Variants in CFAP58 observed in about 807,000 individuals in gnomAD.
CFAP58 encodes cilia and flagella associated protein 58, also known as cilia- and flagella-associated protein 58.
CFAP58 carries 88 observed loss-of-function variants against 119.5 expected under a neutral mutation model. The observed-to-expected ratio is 0.74, with a 90% CI of 0.62 to 0.88. The LOEUF is 0.88. Ranked by LOEUF, CFAP58 falls within the 40% of genes least tolerant of loss-of-function variation. CFAP58 has a pLI of 0.00. For synonymous variants in CFAP58, 365 were observed against 366.3 expected, an observed-to-expected ratio of 1.00 and a Z score of 0.04; for missense variants, 990 against 1,021.2, an observed-to-expected ratio of 0.97 and a Z score of 0.42.
At position 104,406,766 on chromosome 10, in the gene CFAP58, G is replaced by A. The variant is rs755561230; in HGVS notation, c.2229G>A (p.Glu743=). The A allele has an allele frequency of 1.2e-6, 2 of 1,614,136 alleles. No individual in the cohort carries two copies. The highest frequency in any genetic ancestry group is 2.2e-5 in the South Asian group (2 of 91,080). Residue 743 remains glutamate (E), a synonymous_variant, in exon 15 of 18, where the codon GAG becomes GAA. Transcript: ENST00000369704. Reference sequence around the variant, plus strand: ...AGCGTCTCATCAGCAAGACTGAAGAGGTGGTTGAAAAAGAGCTGCTCCTCC... The same window carrying A: ...AGCGTCTCATCAGCAAGACTGAAGAAGTGGTTGAAAAAGAGCTGCTCCTCC... The part of the protein sequence containing the change: ...LQKRLISKTE[E]VVEKELLLQE...
intron 11 of CFAP58, 42 bp from the exon 12 acceptor site, chr10:104,399,318 G>C (rs573829022): frequency 6.2e-7 from 1 of 1,607,184 alleles, no homozygotes; most frequent in African/African-American, 1.3e-5. Flanking sequence ...GGTTTGTGCT[G>C]TAACGAATTG....
chr10:104,366,550 G>A (rs1399308376), intron 5 of CFAP58, among the ~76,000 whole-genome samples: 1 of 152,172 alleles, frequency 6.6e-6, no homozygotes, highest in African/African-American at 2.4e-5. Flanking sequence ...TATTCATGTT[G>A]TTGCCATGTA....
intron 9 of CFAP58, 110 bp downstream of exon 9, chr10:104,380,330 T>C (rs1274385674): frequency 1.8e-6 from 2 of 1,094,348 alleles, no homozygotes; most frequent in Non-Finnish European, 2.6e-6. Flanking sequence ...CTGTTTGTAA[T>C]TTGTGTGAAG....
intron 15 of CFAP58, among the ~76,000 whole-genome samples, chr10:104,427,284 A>C (rs1372537403): frequency 2.0e-5 from 3 of 152,268 alleles, no homozygotes; most frequent in Non-Finnish European, 4.4e-5. Context: ...TAGAATTCTC[A>C]GTTTATAAAA....
chr10:104,407,050 T>C (rs1235685593), intron 15 of CFAP58, among the ~76,000 whole-genome samples: 1 of 152,210 alleles, frequency 6.6e-6, no homozygotes, highest in Non-Finnish European at 1.5e-5. Flanking sequence ...GCAACCCCCA[T>C]CCCACTTCTC....
rs146942443 is a variant in CFAP58, at chr10:104,362,769, G to A, written c.440+598G>A. The stretch of plus-strand genomic sequence containing the variant: ...ACATGTCTTTCTTTATTCCATCATT[G>A]CTACCAAATTTAGGCTCCTGAAGCA... On this transcript the variant is annotated intron_variant, in intron 3 of 17. Coordinates refer to ENST00000369704, the MANE Select transcript of CFAP58 (RefSeq NM_001008723.2). Among the ~76,000 whole-genome samples, 286 of 152,226 alleles carry A rather than the reference G, an allele frequency of 1.9e-3. 1 individual carries two copies. The highest frequency in any genetic ancestry group is 6.6e-3 in the African/African-American group (274 of 41,542).
chr10:104,367,628 A>G (rs2014769913), intron 5 of CFAP58, among the ~76,000 whole-genome samples: 1 of 152,168 alleles, frequency 6.6e-6, no homozygotes, highest in African/African-American at 2.4e-5. Context: ...GTTACATTTT[A>G]TTTAGTCCCT....
rs143506746 is a variant in CFAP58 at position 104,399,545 on chromosome 10, C to T, written c.1815+45C>T. The T allele has an allele frequency of 3.2e-3, 5,083 of 1,595,762 alleles. 14 individuals are homozygous for T. Among genetic ancestry groups the T allele is most frequent in the Non-Finnish European group, 3.9e-3 (4,568 of 1,169,038 alleles). On this transcript the variant is annotated intron_variant, in intron 12 of 17. Transcript: ENST00000369704. ...GACTTGCAGACCTTGTCAACAGACA[C>T]GGGTATTTAATTCCACCCTTCGAAA...
chr10:104,413,213 G>A (rs2012488456), intron 15 of CFAP58, among the ~76,000 whole-genome samples: 1 of 152,154 alleles, frequency 6.6e-6, no homozygotes, highest in Non-Finnish European at 1.5e-5. Flanking sequence ...CTGAGAGGTG[G>A]CCTTTGCGTT....
At chr10:104,344,475 C>G in the CFAP58 span, among the ~76,000 whole-genome samples, 1 of 152,152 alleles carries the variant, frequency 6.6e-6, no homozygotes, top group South Asian at 2.1e-4. Flanking sequence ...TATGGCTGCT[C>G]TGGGGCTCTA....
intron 15 of CFAP58, among the ~76,000 whole-genome samples, chr10:104,423,523 G>A (rs2012693771): frequency 1.3e-5 from 2 of 150,092 alleles, no homozygotes; most frequent in South Asian, 2.1e-4. Context: ...AGCTTTTTAT[G>A]AGAGTGGTGC....
chr10:104,441,333 C>G (rs2013034139), intron 15 of CFAP58, among the ~76,000 whole-genome samples: 1 of 152,206 alleles, frequency 6.6e-6, no homozygotes. Flanking sequence ...GAACCTAGAA[C>G]AGTCACACAC....
At chr10:104,368,805 C>T (rs112799610) in intron 6 of CFAP58, among the ~76,000 whole-genome samples, 26 of 152,298 alleles carry the variant, frequency 1.7e-4, no homozygotes, top group African/African-American at 6.3e-4. Flanking sequence ...CCAAAGTGAG[C>T]TCAGATGTCT....
At chr10:104,381,017 G>A (rs1258417737) in intron 9 of CFAP58, among the ~76,000 whole-genome samples, 41 of 152,108 alleles carry the variant, frequency 2.7e-4, no homozygotes, top group Admixed American at 2.6e-3. Context: ...GGGCATGGTG[G>A]TGTGCTCCTA....
chr10:104,393,181 A>G (rs980953553), intron 10 of CFAP58, 148 bp from the exon 11 acceptor site: 10 of 700,034 alleles, frequency 1.4e-5, no homozygotes, highest in Non-Finnish European at 7.0e-6. Flanking sequence ...GATGGGCACT[A>G]GAGACAAAGG....
rs762287543 is a variant in CFAP58, at chr10:104,450,086, T to C, written c.2392T>C (p.Leu798=). 4 of 1,599,460 alleles carry C rather than the reference T, an allele frequency of 2.5e-6. No individual in the cohort carries two copies. The South Asian group carries it at 4.6e-5, about 18-fold the overall frequency. Residue 798 remains leucine (L), a synonymous_variant, in exon 17 of 18, where the codon TTG becomes CTG. Transcript: ENST00000369704. The stretch of plus-strand genomic sequence containing the variant: ...GCCATGTTAGGTTTTGTCTTCAGAA[T>C]TGAATATGTATGAAGTACAGAGCAA... ...KQQLKVLSSE[L]NMYEVQSKEY... is the part of the protein sequence containing the mutation.
intron 12 of CFAP58, 91 bp downstream of exon 12, chr10:104,399,591 T>G: frequency 1.6e-5 from 21 of 1,346,026 alleles, no homozygotes; most frequent in Non-Finnish European, 2.0e-5. Flanking sequence ...CTCTAAGCTC[T>G]TCCAACCAGC....
intron 7 of CFAP58, among the ~76,000 whole-genome samples, chr10:104,371,462 C>T (rs140045647): frequency 3.2e-4 from 48 of 152,290 alleles, no homozygotes; most frequent in Non-Finnish European, 4.4e-4. Context: ...TAAGAATCAG[C>T]GGAACAAAAA....
rs74157111 is a variant in CFAP58, at chr10:104,443,087, G to T, written c.2257-4611G>T. ...CACAACAGCAGGTGCGAGTTATATA[G>T]AGAGAGATTCACCATGGTTCTGGCC... On this transcript the variant is annotated intron_variant, in intron 15 of 17. Coordinates refer to ENST00000369704, the MANE Select transcript of CFAP58 (RefSeq NM_001008723.2). Among the ~76,000 whole-genome samples, 1,215 of 152,300 alleles carry T rather than the reference G, an allele frequency of 8.0e-3. 20 individuals carry two copies. The highest frequency in any genetic ancestry group is 0.028 in the African/African-American group (1,152 of 41,540).
Sources: allele counts gnomAD v4.1 joint callset (sites outside exome capture counted in the v4.1 genomes callset), GRCh38; gene constraint gnomAD v4.1.1; transcripts MANE v1.5; gene names NCBI Gene and HGNC (gene_info 2026-07-23, HGNC 2026-07-21).